The following ELAVL4 variants were observed in gnomAD, a reference collection of about 807,000 sequenced individuals.
The protein encoded by ELAVL4 is ELAV-like protein 4.
In ELAVL4, 1 loss-of-function variant was observed where a neutral mutation model predicts 35.6. The ratio of observed to expected loss-of-function variants is 0.03; its 90% confidence interval spans 0.01 to 0.13. The LOEUF is 0.13. ELAVL4 is among the 10% of genes least tolerant of loss of function. ELAVL4 has a pLI of 1.00. For missense variants in ELAVL4, 267 were observed against 464.9 expected (o/e 0.57, Z 3.91); for synonymous variants, 156 against 171.0 (o/e 0.91, Z 0.69).
At chr1:50,132,910 T>C (rs1360509838) in intron 1 of ELAVL4, among the ~76,000 whole-genome samples, 8 of 152,172 alleles carry the variant, frequency 5.3e-5, no homozygotes, top group Non-Finnish European at 1.0e-4. Context: ...TATTCTAGTG[T>C]TTTTTATTTT....
At chr1:50,193,737 G>A (rs764581743) in intron 3 of ELAVL4, 28 bp from the exon 4 acceptor site, 1 of 1,605,530 alleles carries the variant, frequency 6.2e-7, no homozygotes, top group Non-Finnish European at 8.5e-7. Context: ...TGCCTATAAT[G>A]GAATTAGCTC....
At chr1:50,076,944 A>G (rs1664790388) in intron 1 of ELAVL4, among the ~76,000 whole-genome samples, 1 of 152,104 alleles carries the variant, frequency 6.6e-6, no homozygotes, top group South Asian at 2.1e-4. Flanking sequence ...TCAGCTCTTC[A>G]TCTGTGAGAG....
chr1:50,086,476 T>TTATATATATATATA lies in ELAVL4; in HGVS notation c.18+38305_18+38318dup, dbSNP rs35215248. On this transcript the variant is annotated intron_variant, in intron 1 of 6. Coordinates refer to the ELAVL4 transcript ENST00000448907. ...TTAGTTCCTTGGAACCATTCAGCTTTTATATATATATATATATATATATAC... is the reference window on the plus strand; with the variant it reads ...TTAGTTCCTTGGAACCATTCAGCTTTTATATATATATATATATATATATATATATATATATATAC... Among the ~76,000 whole-genome samples, 7 of 144,410 alleles carry TTATATATATATATA rather than the reference T, an allele frequency of 4.8e-5. No homozygotes were observed. In the Admixed American group the frequency reaches 4.9e-4, roughly 10 times the overall value. 94.7% of individuals were successfully genotyped at this position (144,410 alleles called of 152,430 possible).
At chr1:50,120,292 G>A (rs1199383859) in intron 1 of ELAVL4, among the ~76,000 whole-genome samples, 1 of 151,860 alleles carries the variant, frequency 6.6e-6, no homozygotes, top group Non-Finnish European at 1.5e-5. Context: ...TAGAGCCAGG[G>A]AAACTGGATA....
intron 1 of ELAVL4, among the ~76,000 whole-genome samples, chr1:50,126,212 A>G (rs1323892318): frequency 6.6e-6 from 1 of 152,134 alleles, no homozygotes; most frequent in African/African-American, 2.4e-5. Flanking sequence ...AAGATATGTC[A>G]TCTCAGAAAG....
intron 1 of ELAVL4, among the ~76,000 whole-genome samples, chr1:50,126,926 T>C (rs1418560252): frequency 1.3e-5 from 2 of 152,096 alleles, no homozygotes; most frequent in Non-Finnish European, 2.9e-5. Context: ...TAGTGACATG[T>C]TAGTATTGTG....
At position 50,165,904 on chromosome 1, in the gene ELAVL4, C is replaced by T. The variant is rs182055893; in HGVS notation, c.251-11185C>T. On this transcript the variant is annotated intron_variant, in intron 2 of 6. Coordinates refer to ENST00000371824, the MANE Select transcript of ELAVL4 (RefSeq NM_001144774.3). ...ACAAGGTCCCGCAATCGGTTGTCTG[C>T]AAGCTGAGGAGCAAGGAGAGCCAGT... is the stretch of plus-strand genomic sequence containing the variant. 4.0e-3 allele frequency among the ~76,000 whole-genome samples: 613 copies of T among 151,874 alleles called. 5 individuals are homozygous for T. The highest frequency in any genetic ancestry group is 6.1e-3 in the Non-Finnish European group (415 of 67,996).
chr1:50,169,803 A>G (rs1332067494), intron 2 of ELAVL4, among the ~76,000 whole-genome samples: 2 of 152,160 alleles, frequency 1.3e-5, no homozygotes, highest in Non-Finnish European at 2.9e-5. Context: ...GTCAGAATCA[A>G]TTTCAACTTC....
At chr1:50,147,721 G>A (rs1240303914) in intron 2 of ELAVL4, among the ~76,000 whole-genome samples, 1 of 152,078 alleles carries the variant, frequency 6.6e-6, no homozygotes, top group African/African-American at 2.4e-5. Flanking sequence ...ACCTCCTACA[G>A]ATCTCAATGC....
intron 2 of ELAVL4, among the ~76,000 whole-genome samples, chr1:50,146,470 T>G (rs1390461002): frequency 1.3e-5 from 2 of 152,162 alleles, no homozygotes; most frequent in African/African-American, 4.8e-5. Flanking sequence ...ATATATTGCA[T>G]CTAGCACAAT....
intron 1 of ELAVL4, among the ~76,000 whole-genome samples, chr1:50,124,833 G>T (rs1669624357): frequency 1.3e-5 from 2 of 151,982 alleles, no homozygotes; most frequent in African/African-American, 4.8e-5. Flanking sequence ...TGTAAACTAG[G>T]GTTGTTGTGA....
intron 1 of ELAVL4, among the ~76,000 whole-genome samples, chr1:50,123,178 C>T (rs540196352): frequency 1.3e-5 from 2 of 152,114 alleles, no homozygotes; most frequent in South Asian, 2.1e-4. Context: ...GGTGAGTGAG[C>T]TCAAATATTC....
At chr1:50,048,345 C>T (rs1027771428) in intron 1 of ELAVL4, among the ~76,000 whole-genome samples, 3 of 152,192 alleles carry the variant, frequency 2.0e-5, no homozygotes, top group Non-Finnish European at 2.9e-5. Context: ...ATCCTGCCCC[C>T]GCGCTGCCCA....
chr1:50,101,637 G>A (rs1665984232), upstream of ELAVL4, among the ~76,000 whole-genome samples: 1 of 152,068 alleles, frequency 6.6e-6, no homozygotes, highest in Non-Finnish European at 1.5e-5. Context: ...TGGGCACAGA[G>A]GCTTATACCT....
At chr1:50,054,371 C>T (rs35158044) in intron 1 of ELAVL4, among the ~76,000 whole-genome samples, 48,134 of 151,896 alleles carry the variant, frequency 0.32, 8,388 homozygotes, top group East Asian at 0.73. Context: ...CCTGCCCAAC[C>T]ATTGTCACTC....
chr1:50,093,282 GC>G (rs762297441), intron 1 of ELAVL4, among the ~76,000 whole-genome samples: 15 of 152,146 alleles, frequency 9.9e-5, no homozygotes, highest in Non-Finnish European at 2.1e-4. Flanking sequence ...CTGGATGGTG[GC>G]CTTTCTTTCT....
chr1:50,075,920 C>T (rs762755784), intron 1 of ELAVL4, among the ~76,000 whole-genome samples: 10 of 152,004 alleles, frequency 6.6e-5, no homozygotes, highest in African/African-American at 1.9e-4. Flanking sequence ...CTCCACCTCC[C>T]GGGTTCAAGC....
chr1:50,119,036 A>G (rs866269116), intron 1 of ELAVL4, among the ~76,000 whole-genome samples: 123 of 127,248 alleles, frequency 9.7e-4, no homozygotes, highest in Middle Eastern at 3.9e-3. Context: ...GAAAGAAAGA[A>G]AAAGAAAGAA....
chr1:50,079,379 G>T (rs1664910244), intron 1 of ELAVL4, among the ~76,000 whole-genome samples: 1 of 152,190 alleles, frequency 6.6e-6, no homozygotes, highest in African/African-American at 2.4e-5. Flanking sequence ...CAGGCAAAGG[G>T]AGAAGAGAGG....
Sources: gnomAD v4.1 joint callset for allele counts (sites outside exome capture counted in the v4.1 genomes callset) on GRCh38, gnomAD v4.1.1 for gene constraint, MANE v1.5 for transcripts, NCBI Gene and HGNC (gene_info 2026-07-23, HGNC 2026-07-21) for gene names.